Variants in TENM4 observed in about 807,000 individuals in gnomAD.
TENM4 encodes the protein teneurin transmembrane protein 4.
In TENM4, 82 loss-of-function variants were observed where a neutral mutation model predicts 243.3. The observed-to-expected ratio is 0.34, with a 90% CI of 0.28 to 0.40. TENM4 has a LOEUF of 0.40. TENM4 is among the 10% of genes least tolerant of loss of function. The probability of loss-of-function intolerance (pLI) is 1.00; values close to 1 mark genes in which losing one functional copy is unlikely to be tolerated. For synonymous variants in TENM4, 1,412 were observed against 1,456.3 expected, an observed-to-expected ratio of 0.97 and a Z score of 0.69; for missense variants, 3,138 against 3,673.3, an observed-to-expected ratio of 0.85 and a Z score of 3.77.
At chr11:78,891,114 T>G in intron 8 of TENM4, 124 bp downstream of exon 8, 1 of 797,782 alleles carries the variant, frequency 1.3e-6, no homozygotes, top group East Asian at 2.7e-5. Context: ...ACGGACTTGG[T>G]GATGAGCATG....
At chr11:78,911,693 T>A (rs1477682493) in intron 6 of TENM4, among the ~76,000 whole-genome samples, 1 of 152,160 alleles carries the variant, frequency 6.6e-6, no homozygotes, top group Non-Finnish European at 1.5e-5. Context: ...AGAGACCTGG[T>A]CTGACGCACT....
chr11:78,939,395 T>C (rs577463581), intron 6 of TENM4, among the ~76,000 whole-genome samples: 97 of 152,248 alleles, frequency 6.4e-4, no homozygotes, highest in Non-Finnish European at 1.2e-3. Flanking sequence ...AAGGCCCTTC[T>C]AGCTTCTCAC....
chr11:79,278,150 T>C (rs1169592761), intron 2 of TENM4, among the ~76,000 whole-genome samples: 2 of 152,190 alleles, frequency 1.3e-5, no homozygotes, highest in Non-Finnish European at 2.9e-5. Flanking sequence ...AAACAGTAGG[T>C]ATTGATTTCA....
intron 2 of TENM4, among the ~76,000 whole-genome samples, chr11:79,216,285 C>T (rs1014621178): frequency 1.3e-5 from 2 of 152,224 alleles, no homozygotes; most frequent in African/African-American, 4.8e-5. Context: ...CAGCACAGGG[C>T]TTGGAGCAAA....
rs557870698 is a variant in TENM4 at position 78,674,463 on chromosome 11, C to A, written c.5496+1689G>T. ...CAGCAGAGAGGAAATCCTAATCATG[C>A]TAATCGCTGCCATTTATTGAGCACC... On this transcript the variant is annotated intron_variant, in intron 30 of 33. Coordinates refer to ENST00000278550, the MANE Select transcript of TENM4 (RefSeq NM_001098816.3). Among the ~76,000 whole-genome samples, 348 of 152,310 alleles carry A rather than the reference C, an allele frequency of 2.3e-3. 1 individual carries two copies. Among genetic ancestry groups the A allele is most frequent in the Non-Finnish European group, 4.1e-3 (276 of 68,034 alleles).
At chr11:79,216,114 C>T (rs1392893618) in intron 2 of TENM4, among the ~76,000 whole-genome samples, 1 of 152,220 alleles carries the variant, frequency 6.6e-6, no homozygotes. Context: ...ATGCAGCCTT[C>T]CTGAGAGGCT....
At chr11:79,100,308 A>C (rs1027459356) in intron 4 of TENM4, among the ~76,000 whole-genome samples, 1 of 152,142 alleles carries the variant, frequency 6.6e-6, no homozygotes, top group African/African-American at 2.4e-5. Context: ...GATCTGGGTA[A>C]CTACAGGTGT....
intron 14 of TENM4, among the ~76,000 whole-genome samples, chr11:78,810,780 A>G (rs1382635241): frequency 6.6e-6 from 1 of 152,144 alleles, no homozygotes; most frequent in East Asian, 1.9e-4. Context: ...TTAGAGCAAA[A>G]TGACGCCTGG....
chr11:79,177,731 G>A (rs1863193813), intron 3 of TENM4, among the ~76,000 whole-genome samples: 1 of 152,118 alleles, frequency 6.6e-6, no homozygotes, highest in Admixed American at 6.5e-5. Flanking sequence ...GACAATAAAG[G>A]TCCAGAGGTG....
At chr11:79,304,254 T>C (rs548708) in intron 1 of TENM4, among the ~76,000 whole-genome samples, 87,932 of 152,036 alleles carry the variant, frequency 0.58, 25,964 homozygotes, top group East Asian at 0.77. Context: ...CTCTCCCTGC[T>C]CACAAAGTCC....
At chr11:79,151,032 C>T (rs1862499161) in intron 3 of TENM4, among the ~76,000 whole-genome samples, 1 of 152,130 alleles carries the variant, frequency 6.6e-6, no homozygotes, top group African/African-American at 2.4e-5. Flanking sequence ...ATTCAAACCG[C>T]AGTCCATCCA....
chr11:79,421,781 T>A (rs1487784373), intron 1 of TENM4, among the ~76,000 whole-genome samples: 3 of 152,090 alleles, frequency 2.0e-5, no homozygotes, highest in Non-Finnish European at 4.4e-5. Flanking sequence ...GTAGGATTCC[T>A]TTCAAACCAG....
At chr11:78,918,322 G>A (rs1236311134) in intron 6 of TENM4, among the ~76,000 whole-genome samples, 2 of 152,054 alleles carry the variant, frequency 1.3e-5, no homozygotes, top group Non-Finnish European at 2.9e-5. Flanking sequence ...AGGCACAAAC[G>A]ACGCTAACTT....
intron 4 of TENM4, among the ~76,000 whole-genome samples, chr11:79,079,163 C>T (rs1274119258): frequency 2.6e-5 from 4 of 152,152 alleles, no homozygotes; most frequent in Non-Finnish European, 5.9e-5. Flanking sequence ...TGGCTGTGTG[C>T]CCAGCCTGGC....
chr11:79,214,096 A>AT (rs1309363240), intron 3 of TENM4, among the ~76,000 whole-genome samples: 4 of 151,634 alleles, frequency 2.6e-5, no homozygotes, highest in Admixed American at 6.6e-5. Context: ...AGTTCAAGTG[A>AT]TTTTCCTGCC....
In TENM4 at chr11:78,903,374, G is replaced by T. The variant is rs1186033275; in HGVS notation, c.643C>A (p.Pro215Thr). The T allele has an allele frequency of 2.9e-5, 44 of 1,518,726 alleles. No homozygotes were observed. The highest frequency in any genetic ancestry group is 3.7e-5 in the Non-Finnish European group (42 of 1,132,412). 94.1% of individuals were successfully genotyped at this position (1,518,726 alleles called of 1,614,324 possible). ...FTPRSNPSPA[P>T]TDHSLSGEPP... ...TCTCCGGAGAGCGAGTGGTCCGTGGGGGCCGGGCTGGGGTTGCTCCTCGGC... is the reference window on the plus strand; with the variant it reads ...TCTCCGGAGAGCGAGTGGTCCGTGGTGGCCGGGCTGGGGTTGCTCCTCGGC... Residue 215 changes from proline (P) to threonine (T), a missense_variant, in exon 7 of 34, where the codon CCC (proline) becomes ACC (threonine). Pro to Thr is a conservative substitution (Grantham distance 38). This residue lies in a region of TENM4 where 671 missense variants were observed against 614.1 expected (regional missense o/e 1.09). Coordinates refer to ENST00000278550, the MANE Select transcript of TENM4 (RefSeq NM_001098816.3).
intron 3 of TENM4, among the ~76,000 whole-genome samples, chr11:79,192,524 A>G (rs1223215033): frequency 1.3e-5 from 2 of 152,122 alleles, no homozygotes; most frequent in African/African-American, 2.4e-5. Flanking sequence ...TAAATGGATT[A>G]AGGGCGGTGC....
chr11:79,118,607 T>C (rs1861671760), intron 4 of TENM4, among the ~76,000 whole-genome samples: 1 of 152,154 alleles, frequency 6.6e-6, no homozygotes, highest in Non-Finnish European at 1.5e-5. Flanking sequence ...TCTGTCTCCA[T>C]GAATTTGACT....
chr11:78,989,141 A>C (rs1457963687), intron 6 of TENM4, among the ~76,000 whole-genome samples: 1 of 152,216 alleles, frequency 6.6e-6, no homozygotes, highest in Non-Finnish European at 1.5e-5. Context: ...GTTTATTAAT[A>C]AGTTAGTCCT....
Sources: allele counts gnomAD v4.1 joint callset (sites outside exome capture counted in the v4.1 genomes callset), GRCh38; gene constraint gnomAD v4.1.1; regional missense constraint gnomAD v4.1.1; transcripts MANE v1.5; gene names NCBI Gene and HGNC (gene_info 2026-07-23, HGNC 2026-07-21).